The following IGFL2 variants were observed in gnomAD, a reference collection of about 807,000 sequenced individuals.
IGFL2 encodes the protein IGF like family member 2, also known as insulin growth factor-like family member 2.
A neutral mutation model predicts 13.9 loss-of-function variants in IGFL2; 7 were observed. The observed-to-expected ratio is 0.51, with a 90% CI of 0.29 to 0.95. IGFL2 has a LOEUF of 0.95. IGFL2 is among the 40% of genes least tolerant of loss of function. IGFL2 has a pLI of 0.08. For missense variants in IGFL2, 138 were observed against 147.8 expected, an observed-to-expected ratio of 0.93 and a Z score of 0.34; for synonymous variants, 55 against 55.8, an observed-to-expected ratio of 0.99 and a Z score of 0.07.
the IGFL2 span, among the ~76,000 whole-genome samples, chr19:46,175,269 A>G: frequency 1.3e-5 from 2 of 152,120 alleles, no homozygotes; most frequent in South Asian, 2.1e-4. Context: ...CCTATTTCAA[A>G]CTTACAGATA....
At chr19:46,112,870 A>G in the IGFL2 span, 1 of 152,232 alleles carries the variant, frequency 6.6e-6, no homozygotes, top group South Asian at 2.1e-4. Flanking sequence ...AAGGAAATAC[A>G]GTACATTAGA....
the IGFL2 span, among the ~76,000 whole-genome samples, chr19:46,110,004 T>A: frequency 6.6e-6 from 1 of 152,322 alleles, no homozygotes; most frequent in East Asian, 1.9e-4. Context: ...GTTTTTCGTC[T>A]GAGCTGCATA....
At chr19:46,200,499 CT>C in the IGFL2 span, among the ~76,000 whole-genome samples, 6 of 149,276 alleles carry the variant, frequency 4.0e-5, no homozygotes, top group African/African-American at 1.2e-4. Context: ...CTTTTCTTTT[CT>C]TTTCTTTTCT....
chr19:46,169,948 G>GC, the IGFL2 span, among the ~76,000 whole-genome samples: 124 of 151,854 alleles, frequency 8.2e-4, 2 homozygotes, highest in Middle Eastern at 0.017. Context: ...ATGGTACCTA[G>GC]TGAGATCTTT....
chr19:46,178,352 G>A, the IGFL2 span, among the ~76,000 whole-genome samples: 1 of 147,946 alleles, frequency 6.8e-6, no homozygotes, highest in African/African-American at 2.7e-5. Flanking sequence ...ATTTCAACCT[G>A]ACTGTCTTAT....
chr19:46,140,245 CTATATATATATATA>C (rs10574851), upstream of IGFL2, among the ~76,000 whole-genome samples: 1 of 148,508 alleles, frequency 6.7e-6, no homozygotes, highest in Non-Finnish European at 1.5e-5. Context: ...CACGCCCAGC[CTATATATATATATA>C]TATATATATC....
At chr19:46,087,112 C>T in the IGFL2 span, among the ~76,000 whole-genome samples, 3 of 152,072 alleles carry the variant, frequency 2.0e-5, no homozygotes, top group South Asian at 4.2e-4. Context: ...TCCTCCAGGT[C>T]GCTTGATCAG....
intron 1 of IGFL2, chr19:46,149,111 TG>T: frequency 8.5e-7 from 1 of 1,176,002 alleles, no homozygotes; most frequent in Non-Finnish European, 1.2e-6. Context: ...ATGCCTGCTG[TG>T]TTCACTAACT....
the IGFL2 span, among the ~76,000 whole-genome samples, chr19:46,168,508 A>G: frequency 3.9e-5 from 6 of 152,178 alleles, no homozygotes; most frequent in Non-Finnish European, 8.8e-5. Context: ...ACTGCTTGCT[A>G]TTGCCACAAG....
chr19:46,206,568 T>C, the IGFL2 span, among the ~76,000 whole-genome samples: 1 of 152,134 alleles, frequency 6.6e-6, no homozygotes, highest in African/African-American at 2.4e-5. Context: ...ACCCAGAGGA[T>C]TTTTCCTTCC....
rs527788457 is a variant in IGFL2, at chr19:46,153,294, C to T, written c.19+4997C>T. Among the ~76,000 whole-genome samples the T allele has an allele frequency of 8.3e-4, 126 of 152,194 alleles. 2 individuals are homozygous for T. The Middle Eastern group carries it at 0.017, about 21-fold the overall frequency. ...CCATCTGGGTCTGGATGGGCATTTC[C>T]CGTGTATGGGTATTCCCCTTTCTCT... On this transcript the variant is annotated intron_variant, in intron 1 of 3. Transcript: ENST00000377693.
At chr19:46,180,698 T>C in the IGFL2 span, 3 of 151,860 alleles carry the variant, frequency 2.0e-5, no homozygotes, top group African/African-American at 7.3e-5. Context: ...ACCTGAAAAA[T>C]ATGACAGTGA....
At chr19:46,136,424 T>C in the IGFL2 span, among the ~76,000 whole-genome samples, 129 of 152,252 alleles carry the variant, frequency 8.5e-4, 2 homozygotes, top group Middle Eastern at 0.017. Context: ...TATAGGTTCT[T>C]TAAGAATTGC....
chr19:46,108,258 C>A, the IGFL2 span, among the ~76,000 whole-genome samples: 1 of 151,890 alleles, frequency 6.6e-6, no homozygotes, highest in African/African-American at 2.4e-5. Flanking sequence ...TGGGATGGGT[C>A]GCATTGTGAG....
At chr19:46,151,659 C>T (rs896464323) in intron 1 of IGFL2, among the ~76,000 whole-genome samples, 1 of 152,260 alleles carries the variant, frequency 6.6e-6, no homozygotes, top group Non-Finnish European at 1.5e-5. Context: ...CCTGTAATCC[C>T]AGCACTTTTG....
chr19:46,191,163 T>A, the IGFL2 span, among the ~76,000 whole-genome samples: 1 of 151,954 alleles, frequency 6.6e-6, no homozygotes, highest in Non-Finnish European at 1.5e-5. Context: ...AATATAGAAT[T>A]AATAAAGGAA....
chr19:46,161,745 C>A (rs1225780551), downstream of IGFL2, among the ~76,000 whole-genome samples: 1 of 152,136 alleles, frequency 6.6e-6, no homozygotes, highest in African/African-American at 2.4e-5. Flanking sequence ...AGACAGCATA[C>A]CATTGGGTCT....
the IGFL2 span, among the ~76,000 whole-genome samples, chr19:46,109,568 G>A: frequency 1.1e-4 from 17 of 152,014 alleles, no homozygotes; most frequent in African/African-American, 3.1e-4. Context: ...CACCCACCTC[G>A]GCCTCCCAAA....
chr19:46,176,839 C>T, the IGFL2 span, among the ~76,000 whole-genome samples: 2 of 152,142 alleles, frequency 1.3e-5, no homozygotes, highest in Non-Finnish European at 2.9e-5. Flanking sequence ...CCTCTCTGGT[C>T]CAAGGCTGAA....
Sources: allele counts gnomAD v4.1 joint callset (sites outside exome capture counted in the v4.1 genomes callset), GRCh38; gene constraint gnomAD v4.1.1; transcripts MANE v1.5; gene names NCBI Gene and HGNC (gene_info 2026-07-23, HGNC 2026-07-21).